PRKCH: variants seen among roughly 807,000 people sequenced by gnomAD.
The protein encoded by PRKCH is protein kinase C eta type.
PRKCH carries 28 observed loss-of-function variants against 82.5 expected under a neutral mutation model. That is an observed-to-expected ratio of 0.34 (90% CI 0.25 to 0.47). The LOEUF (loss-of-function observed/expected upper bound fraction) is 0.47, where lower values mean the gene tolerates loss of function less well. PRKCH is among the 20% of genes least tolerant of loss of function. The pLI, the probability that PRKCH is intolerant of heterozygous loss-of-function variation, is 1.00. For synonymous variants in PRKCH, 322 were observed against 327.4 expected (o/e 0.98, Z 0.18); for missense variants, 705 against 881.8 (o/e 0.80, Z 2.54).
At chr14:61,335,031 A>ATTAT (rs574429468) in intron 1 of PRKCH, among the ~76,000 whole-genome samples, 1 of 151,998 alleles carries the variant, frequency 6.6e-6, no homozygotes, top group African/African-American at 2.4e-5. Flanking sequence ...CTTTAACAAA[A>ATTAT]TTATTTATTT....
intron 1 of PRKCH, among the ~76,000 whole-genome samples, chr14:61,230,034 C>T (rs1188065127): frequency 6.6e-6 from 1 of 151,818 alleles, no homozygotes; most frequent in African/African-American, 2.4e-5. Context: ...CCCCTTTTTT[C>T]CTTCCTGAAT....
At chr14:61,428,112 C>CACACATATATATAT (rs1391102641) in intron 2 of PRKCH, among the ~76,000 whole-genome samples, 3 of 145,598 alleles carry the variant, frequency 2.1e-5, no homozygotes, top group East Asian at 4.1e-4. Flanking sequence ...TATATACACA[C>CACACATATATATAT]ATATATATAT....
chr14:61,225,041 A>G (rs1218470300), intron 1 of PRKCH, among the ~76,000 whole-genome samples: 1 of 152,122 alleles, frequency 6.6e-6, no homozygotes, highest in African/African-American at 2.4e-5. Flanking sequence ...TATGTCTCCT[A>G]CCTAAGCCCT....
At chr14:61,522,752 C>T (rs912975834) in intron 10 of PRKCH, among the ~76,000 whole-genome samples, 3 of 152,206 alleles carry the variant, frequency 2.0e-5, no homozygotes, top group Admixed American at 1.3e-4. Flanking sequence ...GACATTAACC[C>T]CCTTGTGGGT....
At chr14:61,426,935 G>A (rs886828666) in intron 2 of PRKCH, among the ~76,000 whole-genome samples, 5 of 152,184 alleles carry the variant, frequency 3.3e-5, no homozygotes, top group East Asian at 1.9e-4. Context: ...GGCAGTTGTC[G>A]ACAAAGAGTC....
chr14:61,228,101 ATGT>A (rs949095909), intron 1 of PRKCH, among the ~76,000 whole-genome samples: 5 of 152,116 alleles, frequency 3.3e-5, no homozygotes, highest in African/African-American at 1.2e-4. Context: ...CATGGGTCAA[ATGT>A]TGTCAAGTTT....
chr14:61,524,096 C>G (rs1469722993), intron 10 of PRKCH, among the ~76,000 whole-genome samples: 1 of 152,214 alleles, frequency 6.6e-6, no homozygotes, highest in African/African-American at 2.4e-5. Flanking sequence ...GTTCAAGGAG[C>G]CAGCTCTCAA....
At chr14:61,294,966 G>A (rs1469972077) in intron 1 of PRKCH, among the ~76,000 whole-genome samples, 9 of 152,068 alleles carry the variant, frequency 5.9e-5, no homozygotes, top group Admixed American at 4.6e-4. Context: ...TGCACCTCCC[G>A]GGTTCAAGCG....
chr14:61,228,977 A>G (rs1433078474), intron 1 of PRKCH, among the ~76,000 whole-genome samples: 5 of 152,092 alleles, frequency 3.3e-5, no homozygotes, highest in Admixed American at 6.5e-5. Context: ...AATACATTTC[A>G]CCTTTCTGGA....
chr14:61,513,284 C>T (rs762650772), intron 10 of PRKCH, among the ~76,000 whole-genome samples: 26 of 152,152 alleles, frequency 1.7e-4, no homozygotes, highest in Non-Finnish European at 3.4e-4. Flanking sequence ...AATTGGCTAC[C>T]CAGCCTTGTG....
chr14:61,241,792 T>C (rs967918657), intron 1 of PRKCH, among the ~76,000 whole-genome samples: 1 of 152,184 alleles, frequency 6.6e-6, no homozygotes, highest in East Asian at 1.9e-4. Flanking sequence ...CCGCATCTCC[T>C]CATGTATAAA....
intron 1 of PRKCH, among the ~76,000 whole-genome samples, chr14:61,233,206 C>T (rs942572525): frequency 1.3e-5 from 2 of 152,178 alleles, no homozygotes; most frequent in Admixed American, 6.5e-5. Context: ...GCCTGGGCAA[C>T]ATAGTGAGAC....
intron 1 of PRKCH, among the ~76,000 whole-genome samples, chr14:61,245,703 G>T (rs2140069232): frequency 6.6e-6 from 1 of 152,328 alleles, no homozygotes; most frequent in South Asian, 2.1e-4. Context: ...CAGAAGGACA[G>T]AGAGCCCATC....
chr14:61,494,621 G>A (rs12896975), intron 10 of PRKCH, among the ~76,000 whole-genome samples: 141,116 of 152,252 alleles, frequency 0.93, 65,890 homozygotes, highest in Non-Finnish European at 0.99. Context: ...AGATGGAAGT[G>A]GAAATGCGAA....
At chr14:61,404,832 G>A (rs773649269) in intron 2 of PRKCH, among the ~76,000 whole-genome samples, 2 of 152,202 alleles carry the variant, frequency 1.3e-5, no homozygotes, top group Non-Finnish European at 2.9e-5. Context: ...GGAACAGGAA[G>A]TGCAAATACT....
intron 2 of PRKCH, chr14:61,442,625 A>G (rs4899048): frequency 0.74 from 112,370 of 152,424 alleles, 46,225 homozygotes; most frequent in Non-Finnish European, 0.91. Flanking sequence ...GGGTTTGCAT[A>G]GGTCTAACCT....
chr14:61,460,303 T>C (rs534444427), intron 9 of PRKCH, among the ~76,000 whole-genome samples: 64 of 152,246 alleles, frequency 4.2e-4, no homozygotes, highest in Non-Finnish European at 6.5e-4. Flanking sequence ...CTATGTATTG[T>C]GTTCCTAGTC....
At chr14:61,301,249 G>A (rs1374369345) in intron 1 of PRKCH, among the ~76,000 whole-genome samples, 2 of 152,070 alleles carry the variant, frequency 1.3e-5, no homozygotes, top group South Asian at 2.1e-4. Context: ...CACTGAAGAA[G>A]GTTCACAAGC....
At chr14:61,235,119 G>A (rs1053355117) in intron 1 of PRKCH, among the ~76,000 whole-genome samples, 2 of 152,154 alleles carry the variant, frequency 1.3e-5, no homozygotes, top group African/African-American at 2.4e-5. Flanking sequence ...CTTCTGATGG[G>A]CATTGAGATG....
Sources: allele counts gnomAD v4.1 joint callset (sites outside exome capture counted in the v4.1 genomes callset), GRCh38; gene constraint gnomAD v4.1.1; transcripts MANE v1.5; gene names NCBI Gene and HGNC (gene_info 2026-07-23, HGNC 2026-07-21).